The following CPS1 variants were observed in gnomAD, a reference collection of about 807,000 sequenced individuals.
CPS1 encodes the protein carbamoyl-phosphate synthase 1.
A neutral mutation model predicts 174.6 loss-of-function variants in CPS1; 109 were observed. That is an observed-to-expected ratio of 0.62 (90% CI 0.53 to 0.73). The LOEUF is 0.73. Ranked by LOEUF, CPS1 falls within the 30% of genes least tolerant of loss-of-function variation. CPS1 has a pLI of 0.00. For synonymous variants in CPS1, 637 were observed against 632.0 expected (o/e 1.01, Z -0.12); for missense variants, 1,689 against 1,821.9 (o/e 0.93, Z 1.33).
At chr2:210,552,660 C>T (rs538405922), upstream of CPS1, among the ~76,000 whole-genome samples, 7 of 151,880 alleles carry the variant, frequency 4.6e-5, no homozygotes, top group Admixed American at 2.6e-4. Flanking sequence ...GCAGGTCTTC[C>T]CTTGCTTATG....
chr2:210,579,402 A>G (rs919675281), intron 4 of CPS1, among the ~76,000 whole-genome samples: 2 of 152,188 alleles, frequency 1.3e-5, no homozygotes, highest in African/African-American at 2.4e-5. Context: ...ATTGCTTATG[A>G]AGTTCACCAA....
chr2:210,550,891 A>G (rs539258296), intron 1 of CPS1, among the ~76,000 whole-genome samples: 13 of 152,022 alleles, frequency 8.6e-5, no homozygotes, highest in African/African-American at 2.6e-4. Flanking sequence ...TTTAAATTTA[A>G]TAGTTAGCTC....
chr2:210,554,692 A>G (rs1434779885), upstream of CPS1, among the ~76,000 whole-genome samples: 4 of 151,976 alleles, frequency 2.6e-5, no homozygotes, highest in Admixed American at 6.6e-5. Flanking sequence ...ACATGTATAC[A>G]TATGTAACTA....
intron 1 of CPS1, among the ~76,000 whole-genome samples, chr2:210,505,830 G>A (rs973788387): frequency 2.5e-4 from 38 of 152,308 alleles, no homozygotes; most frequent in African/African-American, 7.5e-4. Context: ...AGGTGGCAGC[G>A]AGGCTGGGGG....
At chr2:210,530,142 G>C (rs575211399) in intron 1 of CPS1, among the ~76,000 whole-genome samples, 2 of 152,060 alleles carry the variant, frequency 1.3e-5, no homozygotes, top group East Asian at 3.9e-4. Flanking sequence ...TTGCATAAAG[G>C]CATGGAGTGA....
intron 34 of CPS1, chr2:210,674,471 C>CAA (rs66758310): frequency 1.4e-4 from 11 of 78,854 alleles, no homozygotes; most frequent in Admixed American, 3.9e-4. Context: ...AACCCCATCT[C>CAA]AAAAAAAAAA....
chr2:210,514,457 C>T (rs1477061856), intron 1 of CPS1, among the ~76,000 whole-genome samples: 1 of 151,654 alleles, frequency 6.6e-6, no homozygotes, highest in Non-Finnish European at 1.5e-5. Context: ...AATGAGACTG[C>T]ATTCTTGATT....
chr2:210,551,036 A>G (rs1391401991), intron 1 of CPS1, among the ~76,000 whole-genome samples: 1 of 151,874 alleles, frequency 6.6e-6, no homozygotes, highest in African/African-American at 2.4e-5. Flanking sequence ...GCTTAACATG[A>G]TTAACTTTGG....
rs115971347 is a variant in CPS1, at chr2:210,643,535, C to T, written c.3141+870C>T. On this transcript the variant is annotated intron_variant, in intron 25 of 37. Coordinates refer to ENST00000233072, the MANE Select transcript of CPS1 (RefSeq NM_001875.5). ...ATTTCTTTAAGTTACATAAATTCTC[C>T]GTGCTTTATCTTTATTTTAAATGAA... Among the ~76,000 whole-genome samples the T allele has an allele frequency of 9.1e-3, 1,382 of 152,114 alleles. 27 individuals carry two copies. Among genetic ancestry groups the T allele is most frequent in the African/African-American group, 0.03 (1,266 of 41,526 alleles).
At chr2:210,483,167 G>A (rs1694622126) in intron 1 of CPS1, among the ~76,000 whole-genome samples, 1 of 152,084 alleles carries the variant, frequency 6.6e-6, no homozygotes, top group South Asian at 2.1e-4. Context: ...GGTAAGCAAA[G>A]TAACGCTGAG....
intron 4 of CPS1, 23 bp downstream of exon 4, chr2:210,577,533 C>T (rs749925871): frequency 1.3e-6 from 2 of 1,543,702 alleles, no homozygotes; most frequent in Admixed American, 3.3e-5. Flanking sequence ...ATAGGGCATC[C>T]ATCATCACCT....
chr2:210,482,493 A>G (rs1034902609), intron 1 of CPS1, among the ~76,000 whole-genome samples: 19 of 151,866 alleles, frequency 1.3e-4, no homozygotes, highest in Non-Finnish European at 2.5e-4. Context: ...TAGTAGACAC[A>G]GGGTTTCACC....
rs61382870 is a variant in CPS1 at position 210,663,788 on chromosome 2, A to G, written c.4002+591A>G. On this transcript the variant is annotated intron_variant, in intron 33 of 37. Coordinates refer to ENST00000233072, the MANE Select transcript of CPS1 (RefSeq NM_001875.5). ...GGATTGTGAAATGTGTTTCTTGTAA[A>G]GAGCTGTCAGATTCTAGAAAGTTCT... Among the ~76,000 whole-genome samples, 1,221 of 152,226 alleles carry G rather than the reference A, an allele frequency of 8.0e-3. 20 individuals are homozygous for G. The highest frequency in any genetic ancestry group is 0.028 in the African/African-American group (1,169 of 41,530).
At chr2:210,481,411 G>A (rs1694565959) in intron 1 of CPS1, among the ~76,000 whole-genome samples, 1 of 152,166 alleles carries the variant, frequency 6.6e-6, no homozygotes, top group African/African-American at 2.4e-5. Flanking sequence ...CCTTCTGGAG[G>A]GGTCTTCTCA....
At chr2:210,653,636 A>G (rs974175721) in intron 28 of CPS1, among the ~76,000 whole-genome samples, 5 of 152,192 alleles carry the variant, frequency 3.3e-5, no homozygotes, top group Non-Finnish European at 7.3e-5. Context: ...GGGTAGAAAG[A>G]AAGAAATATT....
intron 1 of CPS1, among the ~76,000 whole-genome samples, chr2:210,531,646 A>G (rs1220775467): frequency 6.6e-6 from 1 of 152,146 alleles, no homozygotes. Flanking sequence ...AGGAGTTAAT[A>G]GTAGAATGCT....
chr2:210,510,553 G>C (rs1426749277), intron 1 of CPS1, among the ~76,000 whole-genome samples: 1 of 152,160 alleles, frequency 6.6e-6, no homozygotes, highest in Non-Finnish European at 1.5e-5. Context: ...TTAAACTAAA[G>C]AGCTTCTGCA....
chr2:210,637,553 G>C, intron 21 of CPS1, 149 bp from the exon 22 acceptor site: 1 of 814,948 alleles, frequency 1.2e-6, no homozygotes, highest in Non-Finnish European at 2.0e-6. Flanking sequence ...GAGTGGGTTA[G>C]TTATTTGTGT....
intron 1 of CPS1, among the ~76,000 whole-genome samples, chr2:210,496,145 A>C (rs1003275648): frequency 5.3e-5 from 8 of 151,610 alleles, no homozygotes; most frequent in African/African-American, 1.9e-4. Context: ...AAAAACTTCC[A>C]CCTAGCAGGG....
Sources: allele counts gnomAD v4.1 joint callset (sites outside exome capture counted in the v4.1 genomes callset), GRCh38; gene constraint gnomAD v4.1.1; transcripts MANE v1.5; gene names NCBI Gene and HGNC (gene_info 2026-07-23, HGNC 2026-07-21).